Variants in BMX observed in about 807,000 individuals in gnomAD.
BMX encodes the protein cytoplasmic tyrosine-protein kinase BMX.
BMX carries 31 observed loss-of-function variants against 59.2 expected under a neutral mutation model. The observed-to-expected ratio is 0.52, with a 90% CI of 0.39 to 0.71. BMX has a LOEUF of 0.71. BMX is among the 30% of genes least tolerant of loss of function. BMX has a pLI of 0.00. For missense variants in BMX, 474 were observed against 491.7 expected (o/e 0.96, Z 0.34); for synonymous variants, 185 against 181.0 (o/e 1.02, Z -0.18).
In BMX at chrX:15,501,439, T is replaced by A. The variant is rs767783065; in HGVS notation, c.-10+499T>A. 3.6e-5 allele frequency among the ~76,000 whole-genome samples: 4 copies of A among 112,572 alleles called. No homozygotes were observed. The East Asian group carries it at 1.1e-3, about 31-fold the overall frequency. ...AGGTCTCCCTAAATCAAGTGCTTTG[T>A]GTATTTTAGATGGAGATAGACAGGT... On this transcript the variant is annotated intron_variant, in intron 1 of 18. Transcript: ENST00000348343.
chrX:15,528,466 C>T (rs759839386), intron 9 of BMX, among the ~76,000 whole-genome samples: 24 of 111,325 alleles, frequency 2.2e-4, no homozygotes, highest in South Asian at 1.1e-3. Context: ...TGAGACCAGC[C>T]GGGGCAACAT....
intron 18 of BMX, among the ~76,000 whole-genome samples, chrX:15,554,928 G>A (rs975336352): frequency 9.0e-6 from 1 of 111,048 alleles, no homozygotes; most frequent in African/African-American, 3.3e-5. Flanking sequence ...TGGTCTCTTT[G>A]TTCATGTGCT....
At chrX:15,530,786 G>A (rs914282328) in intron 10 of BMX, among the ~76,000 whole-genome samples, 2 of 112,165 alleles carry the variant, frequency 1.8e-5, no homozygotes, top group Non-Finnish European at 3.8e-5. Context: ...TTCTAAAAAT[G>A]ACACTTTGAT....
In BMX at chrX:15,526,058, A is replaced by G; in HGVS notation, c.847A>G (p.Ser283Gly). The change falls in exon 9 of 19, where the codon AGT (serine) becomes GGT (glycine). Residue 283 changes from serine (S) to glycine (G), a missense_variant. Physicochemically the swap from Ser to Gly is moderately conservative, Grantham distance 56 (BLOSUM62 0). Coordinates refer to ENST00000348343, the MANE Select transcript of BMX (RefSeq NM_203281.3). Reference protein sequence around the residue: ...SKISWEFPESSSSEEEENLDD... With the variant: ...SKISWEFPESGSSEEEENLDD... Reference sequence around the variant, plus strand: ...CTTCTTAAGGGAATTCCCTGAGTCAAGTTCATCTGAAGAAGAGGAAAACCT... The same window carrying G: ...CTTCTTAAGGGAATTCCCTGAGTCAGGTTCATCTGAAGAAGAGGAAAACCT... 8.3e-7 allele frequency: 1 copy of G among 1,209,052 alleles called. No homozygotes were observed. The highest frequency in any genetic ancestry group is 1.7e-5 in the African/African-American group (1 of 57,848).
chrX:15,509,445 A>G lies in BMX; in HGVS notation c.243+12A>G. 8.9e-7 allele frequency: 1 copy of G among 1,120,704 alleles called. No individual in the cohort carries two copies. The highest frequency in any genetic ancestry group is 3.0e-5 in the East Asian group (1 of 32,923). 92.4% of individuals were successfully genotyped at this position (1,120,704 alleles called of 1,213,427 possible). A position where few individuals can be genotyped will look rare whatever the true frequency, so the allele number is the denominator to read the frequency against. ...AGTACCCATTTCAGGTAAAGGGAAG[A>G]ACGACATTGCATTGGGTGGATAGTT... On this transcript the variant is annotated intron_variant, in intron 3 of 18. Coordinates refer to ENST00000348343, the MANE Select transcript of BMX (RefSeq NM_203281.3).
At chrX:15,505,292 T>C (rs1335594176) in intron 1 of BMX, among the ~76,000 whole-genome samples, 1 of 111,568 alleles carries the variant, frequency 9.0e-6, no homozygotes, top group Non-Finnish European at 1.9e-5. Flanking sequence ...AAGAAACTGA[T>C]CTGGAAATGA....
At chrX:15,537,002 A>T in intron 13 of BMX, 132 bp from the exon 14 acceptor site, 6 of 703,702 alleles carry the variant, frequency 8.5e-6, no homozygotes, top group African/African-American at 2.2e-5. Context: ...TTTTTAACTT[A>T]TCAACTTAAA....
intron 5 of BMX, among the ~76,000 whole-genome samples, chrX:15,516,603 C>T (rs1305621495): frequency 1.8e-5 from 2 of 110,170 alleles, no homozygotes; most frequent in Non-Finnish European, 1.9e-5. Context: ...GCTAGGTTTC[C>T]AGTTTGGTAA....
intron 7 of BMX, among the ~76,000 whole-genome samples, chrX:15,524,499 C>A (rs1174291755): frequency 3.6e-5 from 4 of 112,115 alleles, no homozygotes; most frequent in Admixed American, 1.9e-4. Context: ...AAGTGATGCA[C>A]TATTGATGGA....
intron 14 of BMX, among the ~76,000 whole-genome samples, chrX:15,538,038 A>G (rs375311861): frequency 9.1e-6 from 1 of 110,340 alleles, no homozygotes; most frequent in East Asian, 2.9e-4. Flanking sequence ...GGTACCTTCA[A>G]TACAGTCTAA....
chrX:15,516,892 T>A (rs1012746706), intron 5 of BMX, among the ~76,000 whole-genome samples: 1 of 111,258 alleles, frequency 9.0e-6, no homozygotes, highest in Non-Finnish European at 1.9e-5. Flanking sequence ...TATTTAAAGT[T>A]TATAATTATT....
At chrX:15,515,692 T>C (rs1177916024) in intron 4 of BMX, among the ~76,000 whole-genome samples, 1 of 111,600 alleles carries the variant, frequency 9.0e-6, no homozygotes, top group Non-Finnish European at 1.9e-5. Flanking sequence ...AAAAAGTAGA[T>C]GGAAGTGTAT....
intron 1 of BMX, among the ~76,000 whole-genome samples, chrX:15,504,794 T>C (rs190352148): frequency 1.1e-3 from 126 of 112,192 alleles, no homozygotes; most frequent in African/African-American, 3.9e-3. Flanking sequence ...ACTTTCTAGT[T>C]TCATCTGTTT....
chrX:15,546,595 T>G (rs937003825), intron 16 of BMX, among the ~76,000 whole-genome samples: 1 of 112,102 alleles, frequency 8.9e-6, no homozygotes, highest in Non-Finnish European at 1.9e-5. Context: ...CCAAACATTT[T>G]GCATTGAGGT....
chrX:15,525,446 C>CA, intron 8 of BMX, 81 bp downstream of exon 8: 1 of 983,418 alleles, frequency 1.0e-6, no homozygotes, highest in Non-Finnish European at 1.4e-6. Flanking sequence ...AATAATTTTG[C>CA]AGCTAGGCTT....
In BMX at chrX:15,500,928, A is replaced by G; in HGVS notation, c.-22A>G. The G allele has an allele frequency of 1.2e-5, 9 of 754,451 alleles. No individual in the cohort carries two copies. The highest frequency in any genetic ancestry group is 1.4e-5 in the Non-Finnish European group (9 of 639,419). The allele number at this position is 754,451 out of a possible 1,213,427, so 62.2% of individuals were successfully genotyped here. On this transcript the variant is annotated 5_prime_UTR_variant, in exon 1 of 19. Transcript: ENST00000348343. Reference sequence around the variant, plus strand: ...CGCGGCGGACCCAGGCAAGCACGGAACAAGCTGAGACGGTGCGTTTAAGCG... The same window carrying G: ...CGCGGCGGACCCAGGCAAGCACGGAGCAAGCTGAGACGGTGCGTTTAAGCG...
At chrX:15,536,992 T>A in intron 13 of BMX, 142 bp from the exon 14 acceptor site, 1 of 667,291 alleles carries the variant, frequency 1.5e-6, no homozygotes, top group Non-Finnish European at 2.3e-6. Context: ...AGGGTTTTTT[T>A]TTTTAACTTA....
At chrX:15,514,924 TA>T (rs1307073918) in intron 4 of BMX, among the ~76,000 whole-genome samples, 1 of 111,300 alleles carries the variant, frequency 9.0e-6, no homozygotes, top group Non-Finnish European at 1.9e-5. Flanking sequence ...TTGGAATAAT[TA>T]GAAAAATTTT....
intron 18 of BMX, among the ~76,000 whole-genome samples, 192 bp from the exon 19 acceptor site, chrX:15,555,881 A>G (rs1390738659): frequency 8.9e-6 from 1 of 112,252 alleles, no homozygotes; most frequent in African/African-American, 3.2e-5. Context: ...TAACACCTTC[A>G]ACATAATGTT....
Sources: gnomAD v4.1 joint callset for allele counts (sites outside exome capture counted in the v4.1 genomes callset) on GRCh38, gnomAD v4.1.1 for gene constraint, MANE v1.5 for transcripts, NCBI Gene and HGNC (gene_info 2026-07-23, HGNC 2026-07-21) for gene names.